The following SLC5A12 variants were observed in gnomAD, a reference collection of about 807,000 sequenced individuals.
The protein encoded by SLC5A12 is solute carrier family 5 member 12, also known as sodium-coupled monocarboxylate transporter 2.
SLC5A12 carries 46 observed loss-of-function variants against 72.7 expected under a neutral mutation model. The ratio of observed to expected loss-of-function variants is 0.63; its 90% CI spans 0.50 to 0.81. The LOEUF (loss-of-function observed/expected upper bound fraction) is 0.81. Ranked by LOEUF, SLC5A12 falls within the 30% of genes least tolerant of loss-of-function variation. SLC5A12 has a pLI of 0.00. For missense variants in SLC5A12, 683 were observed against 740.7 expected (o/e 0.92, Z 0.90); for synonymous variants, 275 against 264.4 (o/e 1.04, Z -0.39).
intron 3 of SLC5A12, among the ~76,000 whole-genome samples, chr11:26,710,778 G>A (rs1223794648): frequency 6.6e-6 from 1 of 151,990 alleles, no homozygotes; most frequent in Non-Finnish European, 1.5e-5. Flanking sequence ...CTCAGTATAA[G>A]CACATAGCTG....
At chr11:26,703,708 C>T (rs1350306344) in intron 5 of SLC5A12, 37 bp from the exon 6 acceptor site, 2 of 1,613,184 alleles carry the variant, frequency 1.2e-6, no homozygotes, top group African/African-American at 2.7e-5. Context: ...CAAAGATATT[C>T]CTTTGATGCC....
At chr11:26,691,077 A>T (rs1020854406) in intron 9 of SLC5A12, among the ~76,000 whole-genome samples, 1 of 152,122 alleles carries the variant, frequency 6.6e-6, no homozygotes, top group African/African-American at 2.4e-5. Context: ...TTTCCTCTTT[A>T]TATAAAGAGA....
intron 8 of SLC5A12, 74 bp from the exon 9 acceptor site, chr11:26,692,675 G>C: frequency 1.0e-6 from 1 of 990,664 alleles, no homozygotes; most frequent in Non-Finnish European, 1.6e-6. Context: ...TCTTGTCCAG[G>C]GCAGATAGAT....
intron 8 of SLC5A12, among the ~76,000 whole-genome samples, chr11:26,696,474 A>C (rs894849015): frequency 3.9e-5 from 6 of 152,224 alleles, no homozygotes; most frequent in African/African-American, 1.4e-4. Flanking sequence ...CTCTGAGAAA[A>C]TGCATTGTTA....
At chr11:26,682,334 T>C (rs1854429350) in intron 11 of SLC5A12, among the ~76,000 whole-genome samples, 1 of 152,200 alleles carries the variant, frequency 6.6e-6, no homozygotes, top group Non-Finnish European at 1.5e-5. Flanking sequence ...TAGATTTGGC[T>C]TGAGGCATAT....
At chr11:26,673,832 T>G (rs1007443448) in intron 13 of SLC5A12, among the ~76,000 whole-genome samples, 4 of 152,178 alleles carry the variant, frequency 2.6e-5, no homozygotes, top group Admixed American at 2.0e-4. Context: ...ACAGAGGGGA[T>G]AGCAGTAATT....
intron 9 of SLC5A12, 126 bp from the exon 10 acceptor site, chr11:26,686,670 T>G: frequency 1.4e-6 from 1 of 740,166 alleles, no homozygotes; most frequent in Admixed American, 2.3e-5. Context: ...GCGAGGACCA[T>G]CCTCCCCATT....
chr11:26,701,800 C>G (rs1854964069), intron 6 of SLC5A12, among the ~76,000 whole-genome samples: 1 of 152,050 alleles, frequency 6.6e-6, no homozygotes, highest in Non-Finnish European at 1.5e-5. Context: ...ATATGCCCAT[C>G]CATACTTGTG....
At chr11:26,699,073 C>G (rs532868346) in intron 6 of SLC5A12, among the ~76,000 whole-genome samples, 1 of 152,300 alleles carries the variant, frequency 6.6e-6, no homozygotes, top group Admixed American at 6.5e-5. Context: ...GATCATCTTA[C>G]CCATACTATG....
Position 26,669,187 on chromosome 11 carries a change from T to TTTCTTTCTCTTTCTTTCTTTCTTTCTTTC in SLC5A12, c.*1914_*1915insGAAAGAAAGAAAGAAAGAAAGAGAAAGAA, listed in dbSNP as rs1854073553. The TTTCTTTCTCTTTCTTTCTTTCTTTCTTTC allele has an allele frequency of 2.0e-4, 22 of 110,996 alleles. No individual in the cohort carries two copies. The highest frequency in any genetic ancestry group is 3.9e-4 in the Non-Finnish European group (20 of 50,882). The allele number at this position is 110,996 out of a possible 1,614,324, so 6.9% of individuals were successfully genotyped here. A position where few individuals can be genotyped will look rare whatever the true frequency, so the allele number is the denominator to read the frequency against. On this transcript the variant is annotated 3_prime_UTR_variant, in exon 15 of 15. Transcript: ENST00000396005. ...TGTCTTTTTCTTTCTTTCTTTCTTCTTTTCTTTCTTTCTTTCTTTCTTTCT... is the reference window on the plus strand; with the variant it reads ...TGTCTTTTTCTTTCTTTCTTTCTTCTTTCTTTCTCTTTCTTTCTTTCTTTCTTTCTTTCTTTCTTTCTTTCTTTCTTTCT...
chr11:26,678,763 C>G lies in SLC5A12; in HGVS notation c.1528G>C (p.Val510Leu), dbSNP rs12278761. The change falls in exon 13 of 15, where the codon GTG becomes CTG. Residue 510 changes from valine (V) to leucine (L), a missense_variant. Physicochemically the swap from Val to Leu is conservative, Grantham distance 32 (BLOSUM62 1). Transcript: ENST00000396005. ...YSISYLYYSA[V>L]GCLGCIVAGV... is the part of the protein sequence containing the mutation. ...GCAACAATGCATCCTAAGCAGCCCA[C>G]TGCACTGTAGTAAAGGTAGGAGATC... is the stretch of plus-strand genomic sequence containing the variant. The G allele has an allele frequency of 0.06, 96,001 of 1,612,126 alleles. 3,990 individuals are homozygous for G. Among genetic ancestry groups the G allele is most frequent in the African/African-American group, 0.2 (14,937 of 74,760 alleles).
At chr11:26,711,749 T>A (rs1460621540) in intron 2 of SLC5A12, among the ~76,000 whole-genome samples, 1 of 152,090 alleles carries the variant, frequency 6.6e-6, no homozygotes, top group Non-Finnish European at 1.5e-5. Flanking sequence ...AGAAGCATAT[T>A]TTAGCAGTTT....
intron 4 of SLC5A12, among the ~76,000 whole-genome samples, chr11:26,707,808 TGTTAAA>T (rs1365696757): frequency 3.9e-5 from 6 of 152,076 alleles, no homozygotes; most frequent in African/African-American, 1.2e-4. Flanking sequence ...TATGATATTT[TGTTAAA>T]GTTATTGTTA....
At chr11:26,697,352 A>C in intron 7 of SLC5A12, 100 bp from the exon 8 acceptor site, 4 of 1,025,446 alleles carry the variant, frequency 3.9e-6, no homozygotes, top group Non-Finnish European at 4.2e-6. Flanking sequence ...TCTTCTCATC[A>C]GTGTTTGAAA....
intron 8 of SLC5A12, 40 bp from the exon 9 acceptor site, chr11:26,692,641 T>C (rs1302133274): frequency 1.4e-6 from 2 of 1,459,220 alleles, no homozygotes; most frequent in East Asian, 2.3e-5. Context: ...CTAAGCTATA[T>C]AAGGCGGAGC....
intron 1 of SLC5A12, among the ~76,000 whole-genome samples, chr11:26,713,914 G>T (rs1051484625): frequency 6.6e-6 from 1 of 152,024 alleles, no homozygotes. Flanking sequence ...CTTAGCTTCT[G>T]GTTCCATCAC....
chr11:26,691,950 A>T (rs1261149904), intron 9 of SLC5A12: 1 of 152,238 alleles, frequency 6.6e-6, no homozygotes, highest in Non-Finnish European at 1.5e-5. Context: ...TAAGCACAAC[A>T]TCTTCCCATG....
chr11:26,690,622 C>G (rs1442730775), intron 9 of SLC5A12, among the ~76,000 whole-genome samples: 1 of 139,966 alleles, frequency 7.1e-6, no homozygotes, highest in Non-Finnish European at 1.5e-5. Context: ...ACCAGCCTGA[C>G]CAACATGGAG....
intron 7 of SLC5A12, among the ~76,000 whole-genome samples, chr11:26,697,743 A>G: frequency 6.6e-6 from 1 of 152,142 alleles, no homozygotes; most frequent in East Asian, 1.9e-4. Flanking sequence ...GTTTTCTTCA[A>G]TCTGAGGTTC....
Sources: gnomAD v4.1 joint callset for allele counts (sites outside exome capture counted in the v4.1 genomes callset) on GRCh38, gnomAD v4.1.1 for gene constraint, MANE v1.5 for transcripts, NCBI Gene and HGNC (gene_info 2026-07-23, HGNC 2026-07-21) for gene names.